DBH: variants seen among roughly 807,000 people sequenced by gnomAD.
The protein encoded by DBH is dopamine beta-hydroxylase (dopamine beta-monooxygenase).
A neutral mutation model predicts 64.0 loss-of-function variants in DBH; 49 were observed. The ratio of observed to expected loss-of-function variants is 0.77; its 90% CI spans 0.61 to 0.97. DBH has a LOEUF of 0.97. DBH is among the 50% of genes least tolerant of loss of function. The pLI is 0.00. For missense variants in DBH, 828 were observed against 826.6 expected (o/e 1.00, Z -0.02); for synonymous variants, 343 against 347.1 (o/e 0.99, Z 0.13).
intron 2 of DBH, among the ~76,000 whole-genome samples, chr9:133,641,524 A>G (rs1016968205): frequency 6.6e-6 from 1 of 152,224 alleles, no homozygotes; most frequent in Admixed American, 6.5e-5. Context: ...AGAGCAAATT[A>G]GCCACCCACA....
At chr9:133,649,045 C>T (rs1262705541) in intron 6 of DBH, among the ~76,000 whole-genome samples, 1 of 152,144 alleles carries the variant, frequency 6.6e-6, no homozygotes, top group Non-Finnish European at 1.5e-5. Flanking sequence ...TTTTACTGAC[C>T]CACTGGATTA....
At chr9:133,657,312 C>G (rs1473260958) in intron 11 of DBH, 83 bp downstream of exon 11, 7 of 1,552,428 alleles carry the variant, frequency 4.5e-6, no homozygotes, top group South Asian at 1.1e-5. Flanking sequence ...GGTCTGCACT[C>G]CAAACTGCTG....
chr9:133,649,932 G>A (rs1056189982), intron 6 of DBH, among the ~76,000 whole-genome samples: 15 of 152,226 alleles, frequency 9.9e-5, no homozygotes, highest in Non-Finnish European at 1.6e-4. Flanking sequence ...GTTCAGTCTT[G>A]TCTCTCCTTT....
Position 133,642,450 on chromosome 9 carries a change from C to T in DBH, c.730C>T (p.His244Tyr), listed in dbSNP as rs555703566. The T allele has an allele frequency of 2.5e-6, 4 of 1,610,972 alleles. No homozygotes were observed. In the East Asian group the frequency reaches 6.7e-5, roughly 27 times the overall value. The change falls in exon 3 of 12, where the codon CAC (histidine) becomes TAC (tyrosine). Residue 244 changes from histidine (H) to tyrosine (Y), a missense_variant. His to Tyr is a moderately conservative substitution (Grantham distance 83). Transcript: ENST00000393056. Reference protein sequence around the residue: ...IKELPKGFSRHHIIKYEPIVT... With the variant: ...IKELPKGFSRYHIIKYEPIVT... The stretch of plus-strand genomic sequence containing the variant: ...GGAGCTTCCAAAGGGCTTCTCTCGG[C>T]ACCACATTATCAAGGTACGTGCGGG...
At chr9:133,644,406 C>T in intron 5 of DBH, 86 bp downstream of exon 5, 1 of 1,064,280 alleles carries the variant, frequency 9.4e-7, no homozygotes, top group South Asian at 1.3e-5. Context: ...TTCGTCTGCC[C>T]AGCATGGTGC....
rs1214201773 is a variant in DBH at position 133,638,953 on chromosome 9, G to C, written c.340-893G>C. On this transcript the variant is annotated intron_variant, in intron 1 of 11. Transcript: ENST00000393056. ...AGTGCAAGGGGAGCGGCCGGAGACG[G>C]GGAGGGCAGAGGTCACTGATCCAGA... Among the ~76,000 whole-genome samples, 6 of 152,104 alleles carry C rather than the reference G, an allele frequency of 3.9e-5. No homozygotes were observed. In the South Asian group the frequency reaches 8.3e-4, roughly 21 times the overall value.
chr9:133,658,657 C>G lies in DBH; in HGVS notation c.*210C>G, dbSNP rs1832368845. ...TGAGAGGGTGTGGGTGCCCTGTTGACCTACCCTGGACCGAGTGGACCACGA... is the reference window on the plus strand; with the variant it reads ...TGAGAGGGTGTGGGTGCCCTGTTGAGCTACCCTGGACCGAGTGGACCACGA... On this transcript the variant is annotated 3_prime_UTR_variant, in exon 12 of 12. Transcript: ENST00000393056. 1.8e-6 allele frequency: 1 copy of G among 569,610 alleles called. No individual in the cohort carries two copies. Among genetic ancestry groups the G allele is most frequent in the South Asian group, 2.7e-5 (1 of 37,086 alleles). 35.3% of individuals were successfully genotyped at this position (569,610 alleles called of 1,614,324 possible).
intron 11 of DBH, chr9:133,657,461 AGAGG>A (rs1832345910): frequency 2.4e-6 from 1 of 409,572 alleles, no homozygotes; most frequent in Admixed American, 3.8e-5. Flanking sequence ...GGAGAGAGGG[AGAGG>A]GAGAGAGGGA....
rs1275754942 is a variant in DBH, at chr9:133,636,699, G to A, written c.328G>A (p.Ala110Thr). The A allele has an allele frequency of 6.2e-7, 1 of 1,602,500 alleles. No homozygotes were observed. Among genetic ancestry groups the A allele is most frequent in the African/African-American group, 1.3e-5 (1 of 75,024 alleles). The change falls in exon 1 of 12, where the codon GCC (alanine) becomes ACC (threonine). Residue 110 changes from alanine (A) to threonine (T), a missense_variant. Coordinates refer to ENST00000393056, the MANE Select transcript of DBH (RefSeq NM_000787.4). ...GGTGCTCTGGACCGATGGGGACACT[G>A]CCTATTTTGCGGTGAGTCTCTCCTC... ...LVVLWTDGDT[A>T]YFADAWSDQK... is the part of the protein sequence containing the mutation.
chr9:133,649,764 G>A (rs1047098606), intron 6 of DBH, among the ~76,000 whole-genome samples: 11 of 152,228 alleles, frequency 7.2e-5, no homozygotes, highest in Non-Finnish European at 1.2e-4. Context: ...GGGGAAGAGC[G>A]GCTTCCGGCC....
rs1611119 is a variant in DBH at position 133,640,005 on chromosome 9, C to T, written c.486+13C>T. 0.058 allele frequency: 93,884 copies of T among 1,613,308 alleles called. 3,080 individuals carry two copies. The highest frequency in any genetic ancestry group is 0.066 in the Non-Finnish European group (77,616 of 1,179,622). On this transcript the variant is annotated intron_variant, in intron 2 of 11. Transcript: ENST00000393056. Reference sequence around the variant, plus strand: ...TTACCTCATTGAAGTAAGGGGTGGCCGCGAGTACCCAGGAGGGCGTGGGCT... The same window carrying T: ...TTACCTCATTGAAGTAAGGGGTGGCTGCGAGTACCCAGGAGGGCGTGGGCT...
At chr9:133,654,107 T>C (rs1270985585) in intron 9 of DBH, among the ~76,000 whole-genome samples, 1 of 133,702 alleles carries the variant, frequency 7.5e-6, no homozygotes, top group African/African-American at 3.0e-5. Flanking sequence ...GTTTATTTTA[T>C]TTTATTTTAT....
At chr9:133,656,439 G>A (rs1482833307) in intron 9 of DBH, 84 bp from the exon 10 acceptor site, 2 of 1,588,614 alleles carry the variant, frequency 1.3e-6, no homozygotes, top group East Asian at 2.2e-5. Flanking sequence ...TGGACGCAGT[G>A]TACACGTGGG....
At chr9:133,640,419 C>CT (rs1832104825) in intron 2 of DBH, among the ~76,000 whole-genome samples, 1 of 152,190 alleles carries the variant, frequency 6.6e-6, no homozygotes, top group African/African-American at 2.4e-5. Context: ...AACTGCCCCC[C>CT]TCCTCTGGAC....
Position 133,636,635 on chromosome 9 carries a change from G to A in DBH, c.264G>A (p.Gly88=). ...GGCTCAAGGCTGGCGTCCTGTTTGG[G>A]ATGTCCGACCGTGGCGAGCTTGAGA... ...VRRLKAGVLF[G]MSDRGELENA... The change falls in exon 1 of 12, where the codon GGG becomes GGA. Residue 88 remains glycine, a synonymous_variant. Transcript: ENST00000393056. 6.2e-7 allele frequency: 1 copy of A among 1,613,130 alleles called. No homozygotes were observed. The highest frequency in any genetic ancestry group is 1.7e-5 in the Admixed American group (1 of 60,026).
chr9:133,643,602 C>T lies in DBH; in HGVS notation c.921+13C>T, dbSNP rs375412433. The T allele has an allele frequency of 1.9e-5, 31 of 1,612,794 alleles. No individual in the cohort carries two copies. Among genetic ancestry groups the T allele is most frequent in the African/African-American group, 1.7e-4 (13 of 74,904 alleles). On this transcript the variant is annotated intron_variant, in intron 4 of 11. Transcript: ENST00000393056. The surrounding 1 kb of genome is among the most constrained non-coding windows in gnomAD (Gnocchi z 5.3). ...CCTGGGTGCCAAGGTGCGTGCCCTG[C>T]GACCCCAGCATGGTGTCTCCTGCCT... is the stretch of plus-strand genomic sequence containing the variant.
rs76052418 is a variant in DBH, at chr9:133,657,248, G to A, written c.1722+19G>A. On this transcript the variant is annotated intron_variant, in intron 11 of 11. Transcript: ENST00000393056. Reference sequence around the variant, plus strand: ...CTTCCAGGTGCGCTGCCATGGGCCCGGGTGGGGCATGCAGTCAGGCAGGCC... The same window carrying A: ...CTTCCAGGTGCGCTGCCATGGGCCCAGGTGGGGCATGCAGTCAGGCAGGCC... The A allele has an allele frequency of 4.1e-5, 66 of 1,613,088 alleles. No homozygotes were observed. The highest frequency in any genetic ancestry group is 2.1e-4 in the African/African-American group (16 of 75,058).
At chr9:133,642,619 C>T (rs1263672954) in intron 3 of DBH, among the ~76,000 whole-genome samples, 155 bp downstream of exon 3, 5 of 152,100 alleles carry the variant, frequency 3.3e-5, no homozygotes, top group African/African-American at 9.7e-5. Flanking sequence ...AGGGGAGCAG[C>T]AAGTGGTCTT....
rs980194664 is a variant in DBH at position 133,658,873 on chromosome 9, G to A, written c.*426G>A. On this transcript the variant is annotated 3_prime_UTR_variant, in exon 12 of 12. Coordinates refer to ENST00000393056, the MANE Select transcript of DBH (RefSeq NM_000787.4). ...CGCCCCGCTGCTCCCGGTGTGCAGC[G>A]GGTGCGGGTGCCGCTTAAACATTTC... 7 of 155,398 alleles carry A rather than the reference G, an allele frequency of 4.5e-5. No homozygotes were observed. Among genetic ancestry groups the A allele is most frequent in the Non-Finnish European group, 7.1e-5 (5 of 70,400 alleles). The allele number at this position is 155,398 out of a possible 1,614,324, so 9.6% of individuals were successfully genotyped here.
Sources: gnomAD v4.1 joint callset for allele counts (sites outside exome capture counted in the v4.1 genomes callset) on GRCh38, gnomAD v4.1.1 for gene constraint, Gnocchi (gnomAD v3.1) non-coding constraint, MANE v1.5 for transcripts, NCBI Gene and HGNC (gene_info 2026-07-23, HGNC 2026-07-21) for gene names.